Variants in FBXL7 observed in about 807,000 individuals in gnomAD.
FBXL7 encodes the protein F-box/LRR-repeat protein 7.
In FBXL7, 12 loss-of-function variants were observed where a neutral mutation model predicts 38.3. That is an observed-to-expected ratio of 0.31 (90% CI 0.20 to 0.51). The LOEUF (loss-of-function observed/expected upper bound fraction) is 0.51, where lower values mean the gene tolerates loss of function less well. Ranked by LOEUF, FBXL7 falls within the 20% of genes least tolerant of loss-of-function variation. The probability of loss-of-function intolerance (pLI) is 0.98; values close to 1 mark genes in which losing one functional copy is unlikely to be tolerated. For missense variants in FBXL7, 567 were observed against 676.4 expected (o/e 0.84, Z 1.79); for synonymous variants, 297 against 300.9 (o/e 0.99, Z 0.13).
chr5:15,580,041 A>G (rs971824970), intron 1 of FBXL7, among the ~76,000 whole-genome samples: 4 of 152,092 alleles, frequency 2.6e-5, no homozygotes, highest in African/African-American at 9.7e-5. Context: ...TCATGTGTTT[A>G]AGCTCTAACC....
intron 2 of FBXL7, among the ~76,000 whole-genome samples, chr5:15,864,938 T>C (rs1381733453): frequency 6.6e-6 from 1 of 152,214 alleles, no homozygotes; most frequent in Non-Finnish European, 1.5e-5. Flanking sequence ...AGGTCTGGTA[T>C]TGTCTTCCTT....
At chr5:15,601,730 G>A (rs542152968) in intron 1 of FBXL7, among the ~76,000 whole-genome samples, 1 of 152,222 alleles carries the variant, frequency 6.6e-6, no homozygotes, top group East Asian at 1.9e-4. Context: ...GCCATTCAAT[G>A]AAACTTGAAC....
chr5:15,892,843 C>T lies in FBXL7; in HGVS notation c.128-35047C>T, dbSNP rs940419685. Among the ~76,000 whole-genome samples, 7 of 152,238 alleles carry T rather than the reference C, an allele frequency of 4.6e-5. No homozygotes were observed. The South Asian group carries it at 6.2e-4, about 14-fold the overall frequency. On this transcript the variant is annotated intron_variant, in intron 2 of 3. Transcript: ENST00000504595. ...TTAAGAGATCAAGGCTTAGGCCGGG[C>T]GCGGTGGCTCACGCCTGTAATCCCA... is the stretch of plus-strand genomic sequence containing the variant.
intron 2 of FBXL7, among the ~76,000 whole-genome samples, chr5:15,785,832 C>T (rs146822282): frequency 1.5e-4 from 23 of 152,330 alleles, no homozygotes; most frequent in Middle Eastern, 3.4e-3. Flanking sequence ...GCATCTGGCA[C>T]GCATTGTGCC....
At chr5:15,789,872 C>T (rs1005114215) in intron 2 of FBXL7, among the ~76,000 whole-genome samples, 11 of 152,254 alleles carry the variant, frequency 7.2e-5, no homozygotes, top group East Asian at 3.9e-4. Context: ...CACCTCTCAA[C>T]GAAGGCCTTC....
chr5:15,746,726 G>T (rs1393760535), intron 2 of FBXL7, among the ~76,000 whole-genome samples: 1 of 152,082 alleles, frequency 6.6e-6, no homozygotes, highest in Admixed American at 6.5e-5. Flanking sequence ...GACTAGATAA[G>T]ACCATCTAAG....
intron 1 of FBXL7, among the ~76,000 whole-genome samples, chr5:15,507,899 C>T (rs924112981): frequency 1.2e-4 from 18 of 151,866 alleles, no homozygotes; most frequent in Admixed American, 2.6e-4. Context: ...AAAAATTAGC[C>T]GGGTGTGGTG....
At chr5:15,885,608 A>T (rs961915954) in intron 2 of FBXL7, among the ~76,000 whole-genome samples, 1 of 152,242 alleles carries the variant, frequency 6.6e-6, no homozygotes, top group Non-Finnish European at 1.5e-5. Context: ...TTTTCCTGTA[A>T]AATGTTCAAA....
chr5:15,866,139 T>A, intron 2 of FBXL7, among the ~76,000 whole-genome samples: 1 of 152,166 alleles, frequency 6.6e-6, no homozygotes, highest in East Asian at 1.9e-4. Context: ...GTTTTGTTAC[T>A]GGAAAAAAAA....
chr5:15,881,072 G>T (rs1194792550), intron 2 of FBXL7, among the ~76,000 whole-genome samples: 2 of 151,920 alleles, frequency 1.3e-5, no homozygotes, highest in Non-Finnish European at 2.9e-5. Context: ...TTTGGGAACA[G>T]GTGGTGATGG....
intron 2 of FBXL7, among the ~76,000 whole-genome samples, chr5:15,893,560 C>T (rs914309047): frequency 1.3e-5 from 2 of 151,918 alleles, no homozygotes; most frequent in Non-Finnish European, 2.9e-5. Context: ...AGTTAACTTA[C>T]TGCATAAAAG....
At chr5:15,753,029 C>T (rs879824960) in intron 2 of FBXL7, among the ~76,000 whole-genome samples, 16 of 152,208 alleles carry the variant, frequency 1.1e-4, no homozygotes, top group East Asian at 7.8e-4. Flanking sequence ...TGAACATTTT[C>T]GCCGCTGCAA....
At chr5:15,707,697 G>A (rs1743733453) in intron 2 of FBXL7, among the ~76,000 whole-genome samples, 1 of 152,184 alleles carries the variant, frequency 6.6e-6, no homozygotes, top group African/African-American at 2.4e-5. Flanking sequence ...GAGGATAGGA[G>A]GGCAGGGTGC....
intron 2 of FBXL7, among the ~76,000 whole-genome samples, chr5:15,702,602 C>T (rs933166416): frequency 2.0e-5 from 3 of 152,148 alleles, no homozygotes; most frequent in African/African-American, 7.2e-5. Flanking sequence ...TTATCATCAT[C>T]TCCTTTTTTA....
At chr5:15,734,474 A>G (rs1488181882) in intron 2 of FBXL7, among the ~76,000 whole-genome samples, 2 of 152,348 alleles carry the variant, frequency 1.3e-5, no homozygotes, top group Admixed American at 6.5e-5. Flanking sequence ...TGTAAGACAT[A>G]TAGGAGTGGT....
chr5:15,525,395 C>A (rs564631843), intron 1 of FBXL7, among the ~76,000 whole-genome samples: 1 of 152,102 alleles, frequency 6.6e-6, no homozygotes, highest in Non-Finnish European at 1.5e-5. Flanking sequence ...ACAATGGTTT[C>A]GTTTTATTGT....
At chr5:15,612,337 A>G (rs970287545) in intron 1 of FBXL7, among the ~76,000 whole-genome samples, 6 of 152,228 alleles carry the variant, frequency 3.9e-5, no homozygotes, top group Admixed American at 6.5e-5. Context: ...TAAAGCATTT[A>G]TTAGAGTGCT....
In FBXL7 at chr5:15,586,662, T is replaced by C. The variant is rs112115175; in HGVS notation, c.38-29321T>C. On this transcript the variant is annotated intron_variant, in intron 1 of 3. Coordinates refer to ENST00000504595, the MANE Select transcript of FBXL7 (RefSeq NM_012304.5). Reference sequence around the variant, plus strand: ...TGAAGAATTGTCTACAGTCCAGGGATAGCACCATTACACATATTGAATTTA... The same window carrying C: ...TGAAGAATTGTCTACAGTCCAGGGACAGCACCATTACACATATTGAATTTA... Among the ~76,000 whole-genome samples the C allele has an allele frequency of 8.8e-3, 1,339 of 152,198 alleles. 11 individuals carry two copies. The highest frequency in any genetic ancestry group is 0.013 in the Non-Finnish European group (873 of 68,024).
intron 1 of FBXL7, among the ~76,000 whole-genome samples, chr5:15,598,735 CA>C (rs1203874736): frequency 6.6e-6 from 1 of 152,096 alleles, no homozygotes; most frequent in Non-Finnish European, 1.5e-5. Context: ...CTTTCTTTAC[CA>C]ATGAATAACT....
Sources: allele counts gnomAD v4.1 joint callset (sites outside exome capture counted in the v4.1 genomes callset), GRCh38; gene constraint gnomAD v4.1.1; transcripts MANE v1.5; gene names NCBI Gene and HGNC (gene_info 2026-07-23, HGNC 2026-07-21).